UTP18: variants seen among roughly 807,000 people sequenced by gnomAD.
UTP18 encodes U3 small nucleolar RNA-associated protein 18 homolog.
In UTP18, 36 loss-of-function variants were observed where a neutral mutation model predicts 61.1. The observed-to-expected ratio is 0.59, with a 90% CI of 0.45 to 0.78. The LOEUF (loss-of-function observed/expected upper bound fraction) is 0.78. UTP18 is among the 30% of genes least tolerant of loss of function. The probability of loss-of-function intolerance (pLI) is 0.00; values close to 1 mark genes in which losing one functional copy is unlikely to be tolerated. For synonymous variants in UTP18, 282 were observed against 251.1 expected (o/e 1.12, Z -1.16); for missense variants, 753 against 693.9 (o/e 1.09, Z -0.96).
chr17:51,282,557 A>G (rs1423484181), intron 9 of UTP18, among the ~76,000 whole-genome samples: 3 of 151,968 alleles, frequency 2.0e-5, no homozygotes, highest in Non-Finnish European at 4.4e-5. Flanking sequence ...GTTCAGAGTA[A>G]TATTCCTGAT....
intron 11 of UTP18, among the ~76,000 whole-genome samples, chr17:51,289,782 A>T (rs1452891212): frequency 6.6e-6 from 1 of 152,238 alleles, no homozygotes; most frequent in Non-Finnish European, 1.5e-5. Context: ...CTTGGCAAAA[A>T]GCCTTGCATC....
intron 6 of UTP18, among the ~76,000 whole-genome samples, chr17:51,276,692 G>A (rs965352149): frequency 2.0e-5 from 3 of 152,168 alleles, no homozygotes; most frequent in Non-Finnish European, 4.4e-5. Flanking sequence ...ATTCAGTCCT[G>A]CAGGTGCTTC....
intron 10 of UTP18, chr17:51,286,350 G>A (rs954356974): frequency 6.6e-5 from 25 of 376,556 alleles, no homozygotes; most frequent in African/African-American, 5.3e-4. Context: ...AGGTTTTTGT[G>A]ATTTTCTTAG....
chr17:51,297,266 G>A (rs1333492281), intron 13 of UTP18, among the ~76,000 whole-genome samples: 2 of 152,186 alleles, frequency 1.3e-5, no homozygotes, highest in African/African-American at 2.4e-5. Flanking sequence ...CATCAAAATT[G>A]TAATTACTGA....
chr17:51,276,935 C>T (rs1421089578), intron 6 of UTP18, among the ~76,000 whole-genome samples, 195 bp from the exon 7 acceptor site: 2 of 152,198 alleles, frequency 1.3e-5, no homozygotes, highest in Non-Finnish European at 2.9e-5. Flanking sequence ...TCTCTGAATA[C>T]CTTCTGTTAA....
intron 12 of UTP18, among the ~76,000 whole-genome samples, chr17:51,295,784 C>G (rs1430900833): frequency 6.6e-6 from 1 of 152,034 alleles, no homozygotes; most frequent in African/African-American, 2.4e-5. Context: ...TATAAATAAC[C>G]TTGGGCAGTA....
At position 51,285,354 on chromosome 17, in the gene UTP18, G is replaced by A. The variant is rs758794147; in HGVS notation, c.1314G>A (p.Gln438=). 1.2e-6 allele frequency: 2 copies of A among 1,613,404 alleles called. No homozygotes were observed. Among genetic ancestry groups the A allele is most frequent in the Non-Finnish European group, 1.7e-6 (2 of 1,179,482 alleles). ...GCATTGCCACATCTAGGAATGGACA[G>A]TATGTTGCTTGTGGGTAAGTAAAGA... ...GLSIATSRNG[Q]YVACGSNCGV... The change falls in exon 10 of 14, where the codon CAG becomes CAA. Residue 438 remains glutamine (Q), a synonymous_variant. Coordinates refer to ENST00000225298, the MANE Select transcript of UTP18 (RefSeq NM_016001.3).
At chr17:51,290,613 A>G (rs1905216036) in intron 11 of UTP18, among the ~76,000 whole-genome samples, 1 of 152,228 alleles carries the variant, frequency 6.6e-6, no homozygotes, top group Non-Finnish European at 1.5e-5. Context: ...TAATGGTAGT[A>G]AATTGTTTTA....
At chr17:51,275,268 T>C (rs1301876813) in intron 5 of UTP18, among the ~76,000 whole-genome samples, 1 of 152,134 alleles carries the variant, frequency 6.6e-6, no homozygotes, top group African/African-American at 2.4e-5. Flanking sequence ...ACACATACTT[T>C]TGTTTTTAAC....
chr17:51,274,463 A>G (rs1207240959), intron 5 of UTP18, among the ~76,000 whole-genome samples: 2 of 152,060 alleles, frequency 1.3e-5, no homozygotes, highest in African/African-American at 2.4e-5. Context: ...TTTTTTTGAG[A>G]CAGAGTTTTG....
intron 1 of UTP18, 85 bp downstream of exon 1, chr17:51,261,011 C>A (rs1345215066): frequency 8.2e-7 from 1 of 1,219,868 alleles, no homozygotes; most frequent in Non-Finnish European, 1.1e-6. Flanking sequence ...GGAGCCTGGG[C>A]GACCTGCGGC....
intron 11 of UTP18, among the ~76,000 whole-genome samples, chr17:51,292,771 C>T (rs1050055226): frequency 3.7e-4 from 57 of 152,216 alleles, no homozygotes; most frequent in African/African-American, 1.4e-3. Context: ...CCTGTCTCAA[C>T]TCTCCTGAAC....
At chr17:51,274,519 G>C (rs376401119) in intron 5 of UTP18, among the ~76,000 whole-genome samples, 2 of 152,038 alleles carry the variant, frequency 1.3e-5, no homozygotes, top group African/African-American at 4.8e-5. Flanking sequence ...TCGGCTCACT[G>C]CAACCTCCGC....
chr17:51,280,156 G>C, intron 8 of UTP18, 51 bp downstream of exon 8: 1 of 1,550,740 alleles, frequency 6.4e-7, no homozygotes. Context: ...CACTAGTGTA[G>C]GGATAGTCTT....
chr17:51,271,202 CTG>C (rs1407820931), intron 4 of UTP18, among the ~76,000 whole-genome samples: 1 of 152,176 alleles, frequency 6.6e-6, no homozygotes, highest in Non-Finnish European at 1.5e-5. Flanking sequence ...TTGATGTCTT[CTG>C]TAAGTTTTGG....
At chr17:51,290,773 C>T (rs1905218542) in intron 11 of UTP18, among the ~76,000 whole-genome samples, 1 of 152,110 alleles carries the variant, frequency 6.6e-6, no homozygotes, top group Non-Finnish European at 1.5e-5. Flanking sequence ...AAAGCCAAAT[C>T]ACAGTTTTTA....
In UTP18 at chr17:51,295,985, G is replaced by C. The variant is rs139502935; in HGVS notation, c.1647-980G>C. Among the ~76,000 whole-genome samples, 11 of 152,284 alleles carry C rather than the reference G, an allele frequency of 7.2e-5. No individual in the cohort carries two copies. In the East Asian group the frequency reaches 2.1e-3, roughly 29 times the overall value. On this transcript the variant is annotated intron_variant, in intron 12 of 13. Coordinates refer to ENST00000225298, the MANE Select transcript of UTP18 (RefSeq NM_016001.3). Reference sequence around the variant, plus strand: ...TTTAATAATTCAGTTTACTCCACTAGATTTAATTGATTTCTTTTTAAAAGG... The same window carrying C: ...TTTAATAATTCAGTTTACTCCACTACATTTAATTGATTTCTTTTTAAAAGG...
intron 1 of UTP18, among the ~76,000 whole-genome samples, chr17:51,262,909 T>C (rs1270051259): frequency 6.6e-6 from 1 of 152,248 alleles, no homozygotes; most frequent in African/African-American, 2.4e-5. Flanking sequence ...AAAATGGAGA[T>C]ATCTTTGACT....
At chr17:51,271,444 C>A (rs982058030) in intron 4 of UTP18, among the ~76,000 whole-genome samples, 5 of 151,708 alleles carry the variant, frequency 3.3e-5, no homozygotes, top group African/African-American at 1.2e-4. Flanking sequence ...GTAGCTAGGA[C>A]TACAGGCATG....
Sources: gnomAD v4.1 joint callset for allele counts (sites outside exome capture counted in the v4.1 genomes callset) on GRCh38, gnomAD v4.1.1 for gene constraint, MANE v1.5 for transcripts, NCBI Gene and HGNC (gene_info 2026-07-23, HGNC 2026-07-21) for gene names.